Variants in SLC25A13 observed in about 807,000 individuals in gnomAD.
The protein encoded by SLC25A13 is solute carrier family 25 member 13, also known as electrogenic aspartate/glutamate antiporter SLC25A13, mitochondrial.
A neutral mutation model predicts 85.5 loss-of-function variants in SLC25A13; 70 were observed. That is an observed-to-expected ratio of 0.82 (90% CI 0.68 to 1.00). SLC25A13 has a LOEUF of 1.00. Ranked by LOEUF, SLC25A13 falls within the 50% of genes least tolerant of loss-of-function variation. The probability of loss-of-function intolerance (pLI) is 0.00; values close to 1 mark genes in which losing one functional copy is unlikely to be tolerated. For synonymous variants in SLC25A13, 259 were observed against 288.7 expected, an observed-to-expected ratio of 0.90 and a Z score of 1.04; for missense variants, 765 against 819.8, an observed-to-expected ratio of 0.93 and a Z score of 0.82.
At chr7:96,256,137 A>G (rs1797626367) in intron 3 of SLC25A13, among the ~76,000 whole-genome samples, 2 of 152,180 alleles carry the variant, frequency 1.3e-5, no homozygotes, top group Non-Finnish European at 2.9e-5. Flanking sequence ...AAATGTAAAA[A>G]CCATCGACAC....
At chr7:96,166,581 C>T (rs1793754986) in intron 13 of SLC25A13, among the ~76,000 whole-genome samples, 1 of 152,060 alleles carries the variant, frequency 6.6e-6, no homozygotes, top group Admixed American at 6.6e-5. Context: ...AGATTTCAAC[C>T]TAGATGCATA....
intron 4 of SLC25A13, among the ~76,000 whole-genome samples, chr7:96,232,264 C>A (rs922921451): frequency 1.2e-3 from 183 of 150,856 alleles, no homozygotes; most frequent in African/African-American, 4.2e-3. Flanking sequence ...TTAAAAAAAA[C>A]AACGAGATCA....
intron 1 of SLC25A13, chr7:96,306,691 G>T: frequency 1.3e-6 from 1 of 793,004 alleles, no homozygotes; most frequent in Non-Finnish European, 2.0e-6. Context: ...GAGTACAGCA[G>T]CCAAACGGTG....
intron 2 of SLC25A13, among the ~76,000 whole-genome samples, chr7:96,287,128 C>A (rs1358259434): frequency 6.6e-6 from 1 of 152,220 alleles, no homozygotes; most frequent in Non-Finnish European, 1.5e-5. Flanking sequence ...GGCACGGTCC[C>A]CACATTGCTG....
chr7:96,276,433 G>C (rs146809603), intron 3 of SLC25A13, among the ~76,000 whole-genome samples: 140 of 152,234 alleles, frequency 9.2e-4, no homozygotes, highest in African/African-American at 3.3e-3. Flanking sequence ...ACCAGCCTGG[G>C]CAATACGGCA....
intron 1 of SLC25A13, among the ~76,000 whole-genome samples, chr7:96,303,523 C>T (rs1799629582): frequency 1.3e-5 from 2 of 152,120 alleles, no homozygotes; most frequent in African/African-American, 4.8e-5. Context: ...CAGGGGCCCA[C>T]CCTCCTTCTT....
rs768849440 is a variant in SLC25A13 at position 96,170,020 on chromosome 7, G to C, written c.1311+25C>G. 6 of 1,609,280 alleles carry C rather than the reference G, an allele frequency of 3.7e-6. No homozygotes were observed. In the African/African-American group the frequency reaches 6.7e-5, roughly 18 times the overall value. On this transcript the variant is annotated intron_variant, in intron 13 of 17. Coordinates refer to ENST00000265631, the MANE Select transcript of SLC25A13 (RefSeq NM_014251.3). ...TATATGTGAAACAAGTCTTTTCAATGAAGAGAGCTTCAAAAGGTACTTACG... is the reference window on the plus strand; with the variant it reads ...TATATGTGAAACAAGTCTTTTCAATCAAGAGAGCTTCAAAAGGTACTTACG...
chr7:96,191,516 A>G (rs1794852486), intron 6 of SLC25A13, among the ~76,000 whole-genome samples: 1 of 152,234 alleles, frequency 6.6e-6, no homozygotes, highest in South Asian at 2.1e-4. Context: ...CAGGACTAGT[A>G]GTAATTTAGA....
At chr7:96,306,257 G>A (rs561843927) in intron 1 of SLC25A13, among the ~76,000 whole-genome samples, 104 of 152,328 alleles carry the variant, frequency 6.8e-4, no homozygotes, top group African/African-American at 2.3e-3. Flanking sequence ...AGAATCCAGA[G>A]ATCAAAAGAA....
At chr7:96,217,172 A>C (rs1016012041) in intron 4 of SLC25A13, among the ~76,000 whole-genome samples, 2 of 152,242 alleles carry the variant, frequency 1.3e-5, no homozygotes, top group African/African-American at 4.8e-5. Context: ...CAAAACCATG[A>C]TGAGATAACC....
chr7:96,171,459 T>G lies in SLC25A13; in HGVS notation c.1230+13A>C. The G allele has an allele frequency of 6.2e-7, 1 of 1,610,698 alleles. No individual in the cohort carries two copies. The highest frequency in any genetic ancestry group is 8.5e-7 in the Non-Finnish European group (1 of 1,176,996). ...AAATCCCTTAATAAGAAGCACCAAC[T>G]CAAAAGACTTACTGTAAGTTTTATG... is the stretch of plus-strand genomic sequence containing the variant. On this transcript the variant is annotated intron_variant, in intron 12 of 17. Transcript: ENST00000265631.
intron 13 of SLC25A13, among the ~76,000 whole-genome samples, chr7:96,152,308 T>C (rs1424482971): frequency 6.6e-6 from 1 of 152,134 alleles, no homozygotes; most frequent in Non-Finnish European, 1.5e-5. Flanking sequence ...CTGAGCATTA[T>C]CTATGCCTTG....
intron 3 of SLC25A13, among the ~76,000 whole-genome samples, chr7:96,250,520 T>A (rs1797380825): frequency 6.6e-6 from 1 of 152,026 alleles, no homozygotes; most frequent in Non-Finnish European, 1.5e-5. Flanking sequence ...GGGACATGAG[T>A]CCAGTCCCTT....
chr7:96,215,435 A>C (rs1222053637), intron 4 of SLC25A13, among the ~76,000 whole-genome samples: 2 of 152,194 alleles, frequency 1.3e-5, no homozygotes, highest in Non-Finnish European at 2.9e-5. Context: ...TAGAGTAATC[A>C]AGACTATGTA....
In SLC25A13 at chr7:96,184,976, TAGA is replaced by T. The variant is rs1330016715; in HGVS notation, c.966_968del (p.Leu323del). 2.5e-6 allele frequency: 4 copies of T among 1,614,088 alleles called. No individual in the cohort carries two copies. The highest frequency in any genetic ancestry group is 2.7e-5 in the African/African-American group (2 of 74,936). ...ACCTGTAGGCCGACTCTGCAACTTG[TAGA>T]AGAACTGGTCGAGCTGAATCACCTG... On this transcript the variant is annotated inframe_deletion, in exon 10 of 18. Coordinates refer to ENST00000265631, the MANE Select transcript of SLC25A13 (RefSeq NM_014251.3).
intron 3 of SLC25A13, among the ~76,000 whole-genome samples, chr7:96,242,100 A>G (rs1347440063): frequency 6.6e-6 from 1 of 152,234 alleles, no homozygotes; most frequent in Non-Finnish European, 1.5e-5. Flanking sequence ...TAACCACAAG[A>G]GTACTTCACA....
chr7:96,278,671 A>G (rs749819140), intron 2 of SLC25A13, among the ~76,000 whole-genome samples: 16 of 152,326 alleles, frequency 1.1e-4, no homozygotes, highest in South Asian at 4.1e-4. Flanking sequence ...CCTATACACA[A>G]TAAGTACTTT....
At chr7:96,160,267 G>A (rs1200534687) in intron 13 of SLC25A13, among the ~76,000 whole-genome samples, 5 of 152,148 alleles carry the variant, frequency 3.3e-5, no homozygotes, top group African/African-American at 1.2e-4. Context: ...AAGGTAAAGG[G>A]AGAAAAACAG....
intron 5 of SLC25A13, among the ~76,000 whole-genome samples, chr7:96,194,469 G>GAAAAAAAAAAAAAAAAAAAAAAAA (rs1794986209): frequency 2.0e-5 from 1 of 50,126 alleles, no homozygotes; most frequent in Admixed American, 1.9e-4. Context: ...AAAAAAAAAG[G>GAAAAAAAAAAAAAAAAAAAAAAAA]AACACCAACA....
Sources: gnomAD v4.1 joint callset for allele counts (sites outside exome capture counted in the v4.1 genomes callset) on GRCh38, gnomAD v4.1.1 for gene constraint, MANE v1.5 for transcripts, NCBI Gene and HGNC (gene_info 2026-07-23, HGNC 2026-07-21) for gene names.